PDE10A: variants seen among roughly 807,000 people sequenced by gnomAD.
The protein encoded by PDE10A is cAMP and cAMP-inhibited cGMP 3',5'-cyclic phosphodiesterase 10A.
PDE10A carries 39 observed loss-of-function variants against 97.7 expected under a neutral mutation model. The ratio of observed to expected loss-of-function variants is 0.40; its 90% CI spans 0.31 to 0.52. The LOEUF (loss-of-function observed/expected upper bound fraction) is 0.52. PDE10A is among the 20% of genes least tolerant of loss of function. The pLI is 0.56. For synonymous variants in PDE10A, 371 were observed against 376.8 expected, an observed-to-expected ratio of 0.98 and a Z score of 0.18; for missense variants, 731 against 1,047.8, an observed-to-expected ratio of 0.70 and a Z score of 4.17.
Position 165,460,837 on chromosome 6 carries a change from G to A in PDE10A, c.1024-10475C>T, listed in dbSNP as rs577240454. On this transcript the variant is annotated intron_variant, in intron 3 of 21. Coordinates refer to ENST00000539869, the MANE Select transcript of PDE10A (RefSeq NM_001385079.1). ...AGAATCAACATACAATGCATGAAACGAGGTATGTCCCTGGTATGGGACTAA... is the reference window on the plus strand; with the variant it reads ...AGAATCAACATACAATGCATGAAACAAGGTATGTCCCTGGTATGGGACTAA... Among the ~76,000 whole-genome samples, 31 of 152,200 alleles carry A rather than the reference G, an allele frequency of 2.0e-4. No individual in the cohort carries two copies. The East Asian group carries it at 5.0e-3, about 25-fold the overall frequency.
intron 14 of PDE10A, 109 bp downstream of exon 14, chr6:165,396,208 A>C: frequency 1.1e-6 from 1 of 948,576 alleles, no homozygotes. Flanking sequence ...GAAACTCCAC[A>C]TGTAATATGT....
Position 165,343,443 on chromosome 6 carries a change from C to T in PDE10A, c.2843G>A (p.Trp948Ter). The T allele has an allele frequency of 1.2e-6, 2 of 1,614,020 alleles. No homozygotes were observed. The highest frequency in any genetic ancestry group is 1.7e-6 in the Non-Finnish European group (2 of 1,179,972). ...ATTTGCCGTCAATTTTGTAACGGGC[C>T]ACAGTTTTGTCACAGAACAAAGGTC... The part of the protein sequence containing the change: ...ACDLCSVTKL[W>*]PVTKLTANDI... Residue 948 changes from tryptophan to a stop codon, truncating the protein, a stop_gained, in exon 19 of 22, where the codon TGG (tryptophan) becomes TAG (stop). Coordinates refer to ENST00000539869, the MANE Select transcript of PDE10A (RefSeq NM_001385079.1). LOFTEE classifies it high-confidence loss of function.
intron 1 of PDE10A, among the ~76,000 whole-genome samples, chr6:165,712,130 G>C (rs979540760): frequency 6.6e-6 from 1 of 152,074 alleles, no homozygotes; most frequent in African/African-American, 2.4e-5. Flanking sequence ...GGGCTCCACC[G>C]TAGTGGTGTG....
At chr6:165,676,159 G>A (rs1049860065) in intron 1 of PDE10A, among the ~76,000 whole-genome samples, 2 of 152,188 alleles carry the variant, frequency 1.3e-5, no homozygotes, top group Non-Finnish European at 2.9e-5. Context: ...TTCTCACTCA[G>A]AAGTGTGAGC....
intron 2 of PDE10A, among the ~76,000 whole-genome samples, chr6:165,509,805 A>G (rs1289112189): frequency 1.3e-5 from 2 of 151,690 alleles, no homozygotes; most frequent in Non-Finnish European, 2.9e-5. Flanking sequence ...TCCTGGTTAA[A>G]TTTATTCTTA....
At chr6:165,374,168 C>T (rs1166620359) in intron 18 of PDE10A, among the ~76,000 whole-genome samples, 2 of 150,788 alleles carry the variant, frequency 1.3e-5, no homozygotes, top group Non-Finnish European at 3.0e-5. Context: ...CAGCATGGCA[C>T]ATGTATACAT....
At chr6:165,896,880 G>A (rs932709236) in intron 1 of PDE10A, among the ~76,000 whole-genome samples, 8 of 151,980 alleles carry the variant, frequency 5.3e-5, no homozygotes, top group Non-Finnish European at 7.4e-5. Flanking sequence ...ATGTCGGTCA[G>A]GCTGGTCGTG....
At chr6:165,820,558 C>T (rs1779539281) in intron 1 of PDE10A, among the ~76,000 whole-genome samples, 2 of 152,226 alleles carry the variant, frequency 1.3e-5, no homozygotes, top group Admixed American at 6.5e-5. Flanking sequence ...TGGCTTAGCA[C>T]ATCCTGGAAA....
chr6:165,774,831 C>CTTTTTTTTTTTTTTTTTTTGTTTTTTTTT (rs5881660), intron 1 of PDE10A: 1 of 107,886 alleles, frequency 9.3e-6, no homozygotes. Context: ...ACTTTTTTTT[C>CTTTTTTTTTTTTTTTTTTTGTTTTTTTTT]TTTTTTTTTT....
chr6:165,585,735 A>G (rs1487110405), intron 1 of PDE10A, among the ~76,000 whole-genome samples: 2 of 152,118 alleles, frequency 1.3e-5, no homozygotes, highest in African/African-American at 4.8e-5. Flanking sequence ...TTAAGCCACA[A>G]CGTTTGTGGC....
At chr6:165,713,618 T>C (rs979500531) in intron 1 of PDE10A, among the ~76,000 whole-genome samples, 1 of 152,120 alleles carries the variant, frequency 6.6e-6, no homozygotes, top group African/African-American at 2.4e-5. Context: ...AGAAGATCAT[T>C]GGAGGAAAGA....
chr6:165,940,559 C>T (rs12208047), intron 1 of PDE10A: 1 of 152,228 alleles, frequency 6.6e-6, no homozygotes, highest in African/African-American at 2.4e-5. Context: ...TCCGCTTCTG[C>T]TCACACTGGC....
At position 165,343,774 on chromosome 6, in the gene PDE10A, G is replaced by A. The variant is rs138915915; in HGVS notation, c.2784-272C>T. Among the ~76,000 whole-genome samples the A allele has an allele frequency of 8.6e-3, 1,316 of 152,252 alleles. 17 individuals are homozygous for A. The highest frequency in any genetic ancestry group is 0.03 in the African/African-American group (1,244 of 41,532). ...ACTGAAGAAATCAAATATAATGTAG[G>A]CTCTGACTAGGCTGCCATCTAAATC... On this transcript the variant is annotated intron_variant, in intron 18 of 21. Coordinates refer to ENST00000539869, the MANE Select transcript of PDE10A (RefSeq NM_001385079.1).
At chr6:165,739,253 T>C (rs1583019467) in intron 1 of PDE10A, among the ~76,000 whole-genome samples, 1 of 152,118 alleles carries the variant, frequency 6.6e-6, no homozygotes, top group East Asian at 1.9e-4. Flanking sequence ...AAAACTATAG[T>C]AATCAACAAA....
chr6:165,765,338 C>T (rs1337431919), intron 1 of PDE10A, among the ~76,000 whole-genome samples: 3 of 152,208 alleles, frequency 2.0e-5, no homozygotes, highest in Admixed American at 1.3e-4. Flanking sequence ...GAGCAGGGGG[C>T]GGCGCTCCTC....
intron 3 of PDE10A, among the ~76,000 whole-genome samples, chr6:165,453,165 C>G (rs1054621040): frequency 6.6e-6 from 1 of 152,070 alleles, no homozygotes; most frequent in Admixed American, 6.6e-5. Context: ...GCAGAAATTT[C>G]TAAGCAAAAT....
intron 1 of PDE10A, among the ~76,000 whole-genome samples, chr6:165,756,644 T>C (rs561492915): frequency 1.4e-4 from 22 of 152,190 alleles, no homozygotes; most frequent in Non-Finnish European, 2.4e-4. Flanking sequence ...TGATGGACAA[T>C]CAGTCTTTGC....
intron 1 of PDE10A, among the ~76,000 whole-genome samples, chr6:165,652,485 C>T (rs1467589984): frequency 6.6e-6 from 1 of 152,190 alleles, no homozygotes; most frequent in Non-Finnish European, 1.5e-5. Context: ...CCTCGCCCAG[C>T]CTTCAAGCCC....
intron 1 of PDE10A, among the ~76,000 whole-genome samples, chr6:165,659,880 G>T (rs2128430599): frequency 6.6e-6 from 1 of 152,246 alleles, no homozygotes. Flanking sequence ...ACAACATCCA[G>T]CAGGGCCCTG....
Sources: gnomAD v4.1 joint callset for allele counts (sites outside exome capture counted in the v4.1 genomes callset) on GRCh38, gnomAD v4.1.1 for gene constraint, MANE v1.5 for transcripts, NCBI Gene and HGNC (gene_info 2026-07-23, HGNC 2026-07-21) for gene names.